Variants in CPSF6 observed in about 807,000 individuals in gnomAD.
CPSF6 encodes cleavage and polyadenylation specific factor 6.
Under a neutral mutation model 56.7 loss-of-function variants are expected in CPSF6, and 10 were observed. The ratio of observed to expected loss-of-function variants is 0.18; its 90% CI spans 0.11 to 0.30. The LOEUF (loss-of-function observed/expected upper bound fraction) is 0.30, where lower values mean the gene tolerates loss of function less well. CPSF6 is among the 10% of genes least tolerant of loss of function. The pLI, the probability that CPSF6 is intolerant of heterozygous loss-of-function variation, is 1.00. For synonymous variants in CPSF6, 248 were observed against 244.8 expected, an observed-to-expected ratio of 1.01 and a Z score of -0.12; for missense variants, 419 against 722.9, an observed-to-expected ratio of 0.58 and a Z score of 4.82.
At chr12:69,264,481 C>T (rs745832534) in intron 9 of CPSF6, among the ~76,000 whole-genome samples, 1 of 152,020 alleles carries the variant, frequency 6.6e-6, no homozygotes, top group Non-Finnish European at 1.5e-5. Flanking sequence ...AATGGGTACA[C>T]CTAAATATAT....
At position 69,274,348 on chromosome 12, in the gene CPSF6, T is replaced by C. The variant is rs1048430432; in HGVS notation, c.*4840T>C. 2 of 152,056 alleles carry C rather than the reference T, an allele frequency of 1.3e-5. No homozygotes were observed. The highest frequency in any genetic ancestry group is 2.9e-5 in the Non-Finnish European group (2 of 67,926). The allele number at this position is 152,056 out of a possible 1,614,324, so 9.4% of individuals were successfully genotyped here. On this transcript the variant is annotated 3_prime_UTR_variant, in exon 10 of 10. Coordinates refer to ENST00000435070, the MANE Select transcript of CPSF6 (RefSeq NM_007007.3). ...ATCTTGTATTGAAAATAAAACAAAC[T>C]TTTGATAAGACTTTGCAGTTTGTCT...
intron 9 of CPSF6, among the ~76,000 whole-genome samples, chr12:69,267,277 T>A (rs922068181): frequency 6.6e-6 from 1 of 152,040 alleles, no homozygotes; most frequent in African/African-American, 2.4e-5. Context: ...CAGAAACAGT[T>A]ATAATTTGAG....
intron 1 of CPSF6, among the ~76,000 whole-genome samples, chr12:69,243,258 G>C (rs1201231857): frequency 6.6e-6 from 1 of 152,156 alleles, no homozygotes; most frequent in African/African-American, 2.4e-5. Flanking sequence ...TCCACTTTCT[G>C]TGGTTTCAGT....
chr12:69,265,233 C>T (rs1872916458), intron 9 of CPSF6, among the ~76,000 whole-genome samples: 1 of 152,056 alleles, frequency 6.6e-6, no homozygotes, highest in South Asian at 2.1e-4. Flanking sequence ...TATGTAAATA[C>T]GTTGTGCTTC....
chr12:69,253,166 T>TC lies in CPSF6; in HGVS notation c.374+12_374+13insC. 4.4e-6 allele frequency: 6 copies of TC among 1,371,916 alleles called. No individual in the cohort carries two copies. Among genetic ancestry groups the TC allele is most frequent in the Non-Finnish European group, 6.1e-6 (6 of 984,184 alleles). The allele number at this position is 1,371,916 out of a possible 1,614,324, so 85.0% of individuals were successfully genotyped here. On this transcript the variant is annotated intron_variant, in intron 3 of 9. Transcript: ENST00000435070. The stretch of plus-strand genomic sequence containing the variant: ...GGCCAGTCAAAGGGGTAAGTTTTTT[T>TC]TTTCTTTCTTTTTGATTTAGTAGCT...
At chr12:69,257,630 C>T (rs1281402320) in intron 4 of CPSF6, 102 bp from the exon 5 acceptor site, 3 of 1,099,170 alleles carry the variant, frequency 2.7e-6, no homozygotes, top group South Asian at 3.0e-5. Context: ...AAGGCATTTG[C>T]AAGTTAATAT....
intron 1 of CPSF6, among the ~76,000 whole-genome samples, chr12:69,245,133 A>G (rs1871829391): frequency 6.6e-6 from 1 of 151,822 alleles, no homozygotes; most frequent in South Asian, 2.1e-4. Flanking sequence ...ACAAAAAAGT[A>G]TAGTATAATA....
At position 69,257,873 on chromosome 12, in the gene CPSF6, C is replaced by G. The variant is rs1332825024; in HGVS notation, c.662C>G (p.Ala221Gly). 2 of 1,603,812 alleles carry G rather than the reference C, an allele frequency of 1.2e-6. No individual in the cohort carries two copies. The highest frequency in any genetic ancestry group is 8.5e-7 in the Non-Finnish European group (1 of 1,176,802). The stretch of plus-strand genomic sequence containing the variant: ...GGTGGGGACAGATTTCCTGGGCCAG[C>G]AGGACCAGGAGGGCCACCCCCACCT... ...VPGGDRFPGP[A>G]GPGGPPPPFP... is the part of the protein sequence containing the mutation. Residue 221 changes from alanine (A) to glycine (G), a missense_variant, in exon 5 of 10, where the codon GCA becomes GGA. Ala to Gly is a moderately conservative substitution (Grantham distance 60). This residue lies in a region of CPSF6 where 211 missense variants were observed against 296.0 expected (regional missense o/e 0.71). Coordinates refer to ENST00000435070, the MANE Select transcript of CPSF6 (RefSeq NM_007007.3).
chr12:69,242,592 C>T (rs1317490180), intron 1 of CPSF6, among the ~76,000 whole-genome samples: 1 of 152,078 alleles, frequency 6.6e-6, no homozygotes, highest in Non-Finnish European at 1.5e-5. Context: ...CTCTTTAGTT[C>T]TTAGAGGTCT....
At chr12:69,259,312 A>G in intron 6 of CPSF6, 116 bp from the exon 7 acceptor site, 1 of 1,357,950 alleles carries the variant, frequency 7.4e-7, no homozygotes, top group Non-Finnish European at 9.9e-7. Context: ...ATGGAAAAGT[A>G]ACTACTATCT....
Position 69,262,579 on chromosome 12 carries a change from C to T in CPSF6, c.*3+17C>T, listed in dbSNP as rs746100385. On this transcript the variant is annotated intron_variant, in intron 9 of 9. Coordinates refer to ENST00000435070, the MANE Select transcript of CPSF6 (RefSeq NM_007007.3). ...CGTTAGAAGGTGGGTATTCCTTGTT[C>T]CCTGTTAAATGTGTGTGTATTCTTA... 1.3e-6 allele frequency: 2 copies of T among 1,595,616 alleles called. No individual in the cohort carries two copies. Among genetic ancestry groups the T allele is most frequent in the South Asian group, 1.1e-5 (1 of 89,312 alleles).
chr12:69,268,428 A>C (rs1873094589), intron 9 of CPSF6, among the ~76,000 whole-genome samples: 1 of 151,796 alleles, frequency 6.6e-6, no homozygotes. Context: ...CTTAAGATAC[A>C]ACCTAGGAAA....
At position 69,239,627 on chromosome 12, in the gene CPSF6, G is replaced by GCGT. The variant is rs776102770; in HGVS notation, c.-18_-17insTCG. ...CCTGCAGGAGGCGGCGGCGGCGGCG[G>GCGT]CGGCCGAGGCTGAAGGAAGATGGCG... On this transcript the variant is annotated 5_prime_UTR_variant, in exon 1 of 10. Coordinates refer to ENST00000435070, the MANE Select transcript of CPSF6 (RefSeq NM_007007.3). 1 of 1,560,674 alleles carries GCGT rather than the reference G, an allele frequency of 6.4e-7. No individual in the cohort carries two copies. Among genetic ancestry groups the GCGT allele is most frequent in the Non-Finnish European group, 8.7e-7 (1 of 1,156,062 alleles).
intron 3 of CPSF6, among the ~76,000 whole-genome samples, chr12:69,256,314 C>G (rs1361674343): frequency 6.6e-6 from 1 of 152,138 alleles, no homozygotes; most frequent in Non-Finnish European, 1.5e-5. Context: ...GGTTATAACA[C>G]TGTGAAATAC....
At chr12:69,264,362 A>G (rs1350846294) in intron 9 of CPSF6, among the ~76,000 whole-genome samples, 1 of 152,152 alleles carries the variant, frequency 6.6e-6, no homozygotes, top group African/African-American at 2.4e-5. Context: ...TTTAAGCCCA[A>G]AGTTAACTAA....
At chr12:69,260,674 C>T (rs1185639442) in intron 8 of CPSF6, among the ~76,000 whole-genome samples, 1 of 152,186 alleles carries the variant, frequency 6.6e-6, no homozygotes, top group African/African-American at 2.4e-5. Flanking sequence ...CTTTTTATTT[C>T]TTCCATAGTA....
rs1873313077 is a variant in CPSF6, at chr12:69,272,874, G to A, written c.*3366G>A. Reference sequence around the variant, plus strand: ...TTCTATTTTTCTGTTCTTACAGTGTGTGTGTGTGTGTGTGTGTGTGTGTAT... The same window carrying A: ...TTCTATTTTTCTGTTCTTACAGTGTATGTGTGTGTGTGTGTGTGTGTGTAT... On this transcript the variant is annotated 3_prime_UTR_variant, in exon 10 of 10. Coordinates refer to ENST00000435070, the MANE Select transcript of CPSF6 (RefSeq NM_007007.3). 2 of 179,240 alleles carry A rather than the reference G, an allele frequency of 1.1e-5. No individual in the cohort carries two copies. The highest frequency in any genetic ancestry group is 5.7e-5 in the Admixed American group (1 of 17,580). 11.1% of individuals were successfully genotyped at this position (179,240 alleles called of 1,614,324 possible). A position where few individuals can be genotyped will look rare whatever the true frequency, so the allele number is the denominator to read the frequency against.
chr12:69,263,254 T>A (rs1247702776), intron 9 of CPSF6, among the ~76,000 whole-genome samples: 1 of 152,116 alleles, frequency 6.6e-6, no homozygotes, highest in Non-Finnish European at 1.5e-5. Flanking sequence ...TGTCAAGCCA[T>A]ATACCCAAGT....
At position 69,274,089 on chromosome 12, in the gene CPSF6, G is replaced by A. The variant is rs902444182; in HGVS notation, c.*4581G>A. ...TAAGATTTCTGTGCAAAAAGGTAAG[G>A]TGATAATTGATCTAATAGACTTTTT... On this transcript the variant is annotated 3_prime_UTR_variant, in exon 10 of 10. Transcript: ENST00000435070. 5 of 144,182 alleles carry A rather than the reference G, an allele frequency of 3.5e-5. No homozygotes were observed. The highest frequency in any genetic ancestry group is 1.3e-4 in the African/African-American group (5 of 38,716). 8.9% of individuals were successfully genotyped at this position (144,182 alleles called of 1,614,324 possible).
Sources: gnomAD v4.1 joint callset for allele counts (sites outside exome capture counted in the v4.1 genomes callset) on GRCh38, gnomAD v4.1.1 for gene constraint, gnomAD v4.1.1 regional missense constraint, MANE v1.5 for transcripts, NCBI Gene and HGNC (gene_info 2026-07-23, HGNC 2026-07-21) for gene names.